Variants in DPY30 observed in about 807,000 individuals in gnomAD.
DPY30 encodes protein dpy-30 homolog.
Under a neutral mutation model 16.2 loss-of-function variants are expected in DPY30, and 6 were observed. That is an observed-to-expected ratio of 0.37 (90% CI 0.20 to 0.73). The LOEUF (loss-of-function observed/expected upper bound fraction) is 0.73. DPY30 is among the 30% of genes least tolerant of loss of function. The probability of loss-of-function intolerance (pLI) is 0.51; values close to 1 mark genes in which losing one functional copy is unlikely to be tolerated. For missense variants in DPY30, 73 were observed against 113.1 expected (o/e 0.65, Z 1.61); for synonymous variants, 39 against 38.8 (o/e 1.00, Z -0.02).
intron 3 of DPY30, among the ~76,000 whole-genome samples, chr2:32,032,782 G>C (rs755392973): frequency 6.6e-6 from 1 of 152,206 alleles, no homozygotes; most frequent in African/African-American, 2.4e-5. Context: ...TGGACCACGA[G>C]TTCAGGAGTT....
intron 5 of DPY30, chr2:32,012,085 T>A (rs558406259): frequency 3.9e-5 from 6 of 152,268 alleles, no homozygotes; most frequent in African/African-American, 1.4e-4. Context: ...AAAAATTATA[T>A]CTGAGTTTCA....
At chr2:32,019,752 A>G (rs534993), downstream of DPY30, among the ~76,000 whole-genome samples, 141,413 of 146,738 alleles carry the variant, frequency 0.96, 68,179 homozygotes, top group East Asian at 1. Context: ...CCCAGGAGGC[A>G]GAGGTTGCAG....
intron 3 of DPY30, among the ~76,000 whole-genome samples, chr2:32,034,831 T>C (rs1675675132): frequency 6.6e-6 from 1 of 151,868 alleles, no homozygotes; most frequent in Non-Finnish European, 1.5e-5. Flanking sequence ...AAACCCCGTC[T>C]CTACTAAAAA....
chr2:32,016,023 C>T (rs1202436619), intron 5 of DPY30, among the ~76,000 whole-genome samples: 2 of 152,122 alleles, frequency 1.3e-5, no homozygotes, highest in African/African-American at 2.4e-5. Flanking sequence ...CTCAGCCTCC[C>T]GGGTAGCTGG....
Position 32,030,660 on chromosome 2 carries a change from G to A in DPY30, c.85-924C>T, listed in dbSNP as rs577873442. 3.3e-5 allele frequency among the ~76,000 whole-genome samples: 5 copies of A among 151,528 alleles called. No homozygotes were observed. The East Asian group carries it at 5.8e-4, about 18-fold the overall frequency. ...AAAAAAAAAAAAAAATTATCCAGGC[G>A]TGGTAGTGCGTGCCTGTAGCCCCAG... On this transcript the variant is annotated intron_variant, in intron 3 of 4. Coordinates refer to ENST00000342166, the MANE Select transcript of DPY30 (RefSeq NM_001321209.2).
chr2:32,020,122 C>T (rs1371983695), downstream of DPY30, among the ~76,000 whole-genome samples: 4 of 151,776 alleles, frequency 2.6e-5, no homozygotes, highest in South Asian at 2.1e-4. Flanking sequence ...AGGAGGCTGA[C>T]GCAAGAAGAT....
chr2:32,020,614 T>C (rs1418897999), downstream of DPY30, among the ~76,000 whole-genome samples: 1 of 152,156 alleles, frequency 6.6e-6, no homozygotes, highest in Non-Finnish European at 1.5e-5. Context: ...CAGTGATCTA[T>C]AGTTATCTCC....
intron 5 of DPY30, among the ~76,000 whole-genome samples, chr2:32,013,524 T>C (rs943332452): frequency 6.6e-6 from 1 of 152,210 alleles, no homozygotes; most frequent in Non-Finnish European, 1.5e-5. Context: ...GGAAAATTCA[T>C]ATAATGCAAA....
chr2:32,026,721 G>A (rs1214960954), intron 4 of DPY30, among the ~76,000 whole-genome samples: 2 of 151,682 alleles, frequency 1.3e-5, no homozygotes, highest in Admixed American at 6.6e-5. Flanking sequence ...CAGGGAGGCG[G>A]AGGTTGCAGT....
intron 5 of DPY30, among the ~76,000 whole-genome samples, chr2:32,015,339 A>G (rs1675043766): frequency 6.6e-6 from 1 of 152,152 alleles, no homozygotes; most frequent in Admixed American, 6.6e-5. Context: ...GTGTCAGTCA[A>G]CTTTGCCCCT....
intron 3 of DPY30, among the ~76,000 whole-genome samples, chr2:32,035,322 C>T (rs770727682): frequency 2.0e-5 from 3 of 151,830 alleles, no homozygotes; most frequent in Non-Finnish European, 4.4e-5. Flanking sequence ...AAAAACATTT[C>T]GCCGGGCACG....
At chr2:32,023,860 C>T, downstream of DPY30, 1 of 1,316,808 alleles carries the variant, frequency 7.6e-7, no homozygotes, top group South Asian at 1.3e-5. Flanking sequence ...ACAATTCAAT[C>T]ATGTAAAATA....
intron 3 of DPY30, among the ~76,000 whole-genome samples, chr2:32,038,381 G>A (rs1675830423): frequency 8.0e-6 from 1 of 125,346 alleles, no homozygotes; most frequent in Admixed American, 9.4e-5. Context: ...GATTACAAGG[G>A]TGAGCCACCG....
chr2:32,039,464 C>G lies in DPY30; in HGVS notation c.-8G>C. 1 of 1,614,056 alleles carries G rather than the reference C, an allele frequency of 6.2e-7. No individual in the cohort carries two copies. Among genetic ancestry groups the G allele is most frequent in the Non-Finnish European group, 8.5e-7 (1 of 1,180,026 alleles). On this transcript the variant is annotated 5_prime_UTR_variant, in exon 2 of 5. Coordinates refer to ENST00000342166, the MANE Select transcript of DPY30 (RefSeq NM_001321209.2). ...CATCTGCTCTGGCTCCATGGCGGAC[C>G]CTGCAAGTCACAGTCCCCGGATACC... is the stretch of plus-strand genomic sequence containing the variant.
Position 32,039,476 on chromosome 2 carries a change from A to T in DPY30, c.-20T>A. On this transcript the variant is annotated 5_prime_UTR_variant, in exon 2 of 5. Transcript: ENST00000342166. ...CTCCATGGCGGACCCTGCAAGTCACAGTCCCCGGATACCAGTCTTGGAAAA... is the reference window on the plus strand; with the variant it reads ...CTCCATGGCGGACCCTGCAAGTCACTGTCCCCGGATACCAGTCTTGGAAAA... 1 of 1,614,020 alleles carries T rather than the reference A, an allele frequency of 6.2e-7. No homozygotes were observed.
intron 5 of DPY30, among the ~76,000 whole-genome samples, chr2:32,016,952 G>A (rs1265571007): frequency 6.6e-6 from 1 of 151,942 alleles, no homozygotes; most frequent in Non-Finnish European, 1.5e-5. Flanking sequence ...GCGCGATCTC[G>A]GTTCACTGCA....
At chr2:32,030,364 C>T (rs988727048) in intron 3 of DPY30, among the ~76,000 whole-genome samples, 10 of 152,148 alleles carry the variant, frequency 6.6e-5, no homozygotes, top group Admixed American at 2.6e-4. Flanking sequence ...GGCGCAGGGG[C>T]TCACGCCTGT....
chr2:32,013,432 T>C (rs1675006478), intron 5 of DPY30: 1 of 152,228 alleles, frequency 6.6e-6, no homozygotes, highest in Non-Finnish European at 1.5e-5. Context: ...ATTCCCCCTG[T>C]CCACCTTATT....
intron 3 of DPY30, among the ~76,000 whole-genome samples, chr2:32,030,579 G>A (rs945959367): frequency 1.3e-5 from 2 of 149,868 alleles, no homozygotes; most frequent in African/African-American, 2.5e-5. Context: ...GCAGTGAGCC[G>A]AGATCGCGCC....
Sources: allele counts gnomAD v4.1 joint callset (sites outside exome capture counted in the v4.1 genomes callset), GRCh38; gene constraint gnomAD v4.1.1; transcripts MANE v1.5; gene names NCBI Gene and HGNC (gene_info 2026-07-23, HGNC 2026-07-21).